TBXAS1: variants seen among roughly 807,000 people sequenced by gnomAD.
TBXAS1 encodes thromboxane A synthase 1, also known as thromboxane-A synthase.
A neutral mutation model predicts 60.7 loss-of-function variants in TBXAS1; 48 were observed. That is an observed-to-expected ratio of 0.79 (90% confidence interval 0.63 to 1.01). TBXAS1 has a LOEUF of 1.01. Among genes scored for constraint, TBXAS1 ranks in the 50% least tolerant of loss-of-function variants. TBXAS1 has a pLI of 0.00. For synonymous variants in TBXAS1, 287 were observed against 269.7 expected, an observed-to-expected ratio of 1.06 and a Z score of -0.63; for missense variants, 685 against 686.3, an observed-to-expected ratio of 1.00 and a Z score of 0.02.
At chr7:139,976,120 T>C (rs1811545511) in intron 9 of TBXAS1, among the ~76,000 whole-genome samples, 1 of 152,222 alleles carries the variant, frequency 6.6e-6, no homozygotes, top group African/African-American at 2.4e-5. Flanking sequence ...GAAATGCACC[T>C]GAGACATTGG....
In TBXAS1 at chr7:139,865,885, AGGAGGAAG is replaced by A. The variant is rs1373216083; in HGVS notation, c.90-6348_90-6341del. Among the ~76,000 whole-genome samples the A allele has an allele frequency of 9.5e-5, 10 of 105,286 alleles. 1 individual carries two copies. Among genetic ancestry groups the A allele is most frequent in the African/African-American group, 4.0e-4 (10 of 25,034 alleles). The allele number at this position is 105,286 out of a possible 152,430, so 69.1% of individuals were successfully genotyped here. On this transcript the variant is annotated intron_variant, in intron 1 of 12. Coordinates refer to ENST00000448866, the MANE Select transcript of TBXAS1 (RefSeq NM_001061.7). Reference sequence around the variant, plus strand: ...GAGGAAGGAAGGAGGGAGGGAGGGAAGGAGGAAGGAGGGAGGGAGGAAGGAAGGAAAGA... The same window carrying A: ...GAGGAAGGAAGGAGGGAGGGAGGGAAGAGGGAGGGAGGAAGGAAGGAAAGA...
At chr7:139,942,587 C>T (rs896047012) in intron 5 of TBXAS1, among the ~76,000 whole-genome samples, 7 of 152,192 alleles carry the variant, frequency 4.6e-5, no homozygotes, top group African/African-American at 7.2e-5. Flanking sequence ...TCTTCATTCA[C>T]CCAGATAACT....
rs781271750 is a variant in TBXAS1, at chr7:139,953,382, C to T, written c.465C>T (p.Ile155=). 1.9e-6 allele frequency: 3 copies of T among 1,614,130 alleles called. No homozygotes were observed. The highest frequency in any genetic ancestry group is 2.2e-5 in the East Asian group (1 of 44,876). ...TCCATTATCAGATGGTTCCCCTCAT[C>T]AGCCAAGCCTGCGACCTTCTCCTGG... is the stretch of plus-strand genomic sequence containing the variant. ...PEKLNEMVPL[I]SQACDLLLAH... Residue 155 remains isoleucine, a synonymous_variant, in exon 6 of 13, where the codon ATC becomes ATT. Transcript: ENST00000448866.
At chr7:140,014,597 C>A (rs542793250) in intron 10 of TBXAS1, among the ~76,000 whole-genome samples, 2 of 152,120 alleles carry the variant, frequency 1.3e-5, no homozygotes, top group South Asian at 4.2e-4. Context: ...GACAGACACA[C>A]ACACAGAGAA....
chr7:139,830,073 T>C (rs1420423317), intron 1 of TBXAS1, among the ~76,000 whole-genome samples: 3 of 152,208 alleles, frequency 2.0e-5, no homozygotes, highest in Admixed American at 2.0e-4. Context: ...ATCTCAAACT[T>C]GAACTCCGAG....
intron 4 of TBXAS1, among the ~76,000 whole-genome samples, chr7:139,926,675 C>T (rs938521542): frequency 1.3e-4 from 20 of 151,184 alleles, no homozygotes; most frequent in Non-Finnish European, 2.7e-4. Context: ...CTAACTTTGG[C>T]TTTAGCTCCT....
At chr7:139,849,561 G>A (rs1196386809) in intron 1 of TBXAS1, among the ~76,000 whole-genome samples, 2 of 152,094 alleles carry the variant, frequency 1.3e-5, no homozygotes, top group Admixed American at 6.5e-5. Flanking sequence ...TAGGGGCCAG[G>A]TTGGTCCTGG....
chr7:139,858,269 C>A (rs1475958168), intron 1 of TBXAS1, among the ~76,000 whole-genome samples: 1 of 152,186 alleles, frequency 6.6e-6, no homozygotes. Context: ...AGCTTTGACA[C>A]CTCTGTTCTC....
intron 4 of TBXAS1, among the ~76,000 whole-genome samples, chr7:139,818,279 A>T (rs560219322): frequency 1.3e-5 from 2 of 152,294 alleles, no homozygotes; most frequent in African/African-American, 4.8e-5. Flanking sequence ...AGGATGGCAC[A>T]GGGCCTGTTG....
At chr7:139,961,345 C>T (rs1456476563) in intron 8 of TBXAS1, among the ~76,000 whole-genome samples, 1 of 152,184 alleles carries the variant, frequency 6.6e-6, no homozygotes, top group Non-Finnish European at 1.5e-5. Context: ...ACAGCACATG[C>T]TTGGTTTTAA....
chr7:139,880,020 A>C (rs933330386), intron 3 of TBXAS1, among the ~76,000 whole-genome samples: 6 of 152,160 alleles, frequency 3.9e-5, no homozygotes, highest in African/African-American at 1.2e-4. Context: ...AGTTGCTGGG[A>C]ATACAGGCAT....
chr7:139,875,799 C>T (rs995078267), intron 3 of TBXAS1, 162 bp downstream of exon 3: 4 of 925,522 alleles, frequency 4.3e-6, no homozygotes, highest in Admixed American at 4.2e-5. Context: ...TCCTGCAGTA[C>T]AGACAAGGCT....
chr7:139,856,677 T>C (rs1363487893), intron 1 of TBXAS1, among the ~76,000 whole-genome samples: 3 of 152,158 alleles, frequency 2.0e-5, no homozygotes, highest in African/African-American at 4.8e-5. Flanking sequence ...ATGGGTCCCA[T>C]GTAGAAAAAA....
intron 9 of TBXAS1, among the ~76,000 whole-genome samples, chr7:139,970,109 T>C (rs987457147): frequency 6.6e-6 from 1 of 151,954 alleles, no homozygotes; most frequent in African/African-American, 2.4e-5. Flanking sequence ...TTTTTTGTGA[T>C]TATTATTTTG....
At chr7:139,929,293 T>C (rs1807125899) in intron 4 of TBXAS1, among the ~76,000 whole-genome samples, 1 of 152,220 alleles carries the variant, frequency 6.6e-6, no homozygotes, top group Non-Finnish European at 1.5e-5. Context: ...GGGGTTCTTA[T>C]CCCTGACGCA....
intron 3 of TBXAS1, among the ~76,000 whole-genome samples, chr7:139,908,807 CT>C: frequency 6.6e-6 from 1 of 152,112 alleles, no homozygotes; most frequent in Non-Finnish European, 1.5e-5. Context: ...TATCATCTCC[CT>C]TTCCTTTCTG....
chr7:139,952,483 C>T (rs1052507259), intron 5 of TBXAS1: 35 of 1,500,796 alleles, frequency 2.3e-5, no homozygotes, highest in Non-Finnish European at 2.9e-5. Context: ...TATTAGAGCA[C>T]GTTGCTTTAG....
At chr7:139,893,097 T>A (rs1349298860) in intron 3 of TBXAS1, among the ~76,000 whole-genome samples, 1 of 152,120 alleles carries the variant, frequency 6.6e-6, no homozygotes. Flanking sequence ...GCCATTAAAT[T>A]TTCTCTTCTT....
At chr7:139,829,604 T>C in intron 1 of TBXAS1, 125 bp downstream of exon 1, 1 of 844,362 alleles carries the variant, frequency 1.2e-6, no homozygotes, top group Non-Finnish European at 1.9e-6. Flanking sequence ...GGAGTGAGTA[T>C]TAACACAGCT....
Sources: gnomAD v4.1 joint callset for allele counts (sites outside exome capture counted in the v4.1 genomes callset) on GRCh38, gnomAD v4.1.1 for gene constraint, MANE v1.5 for transcripts, NCBI Gene and HGNC (gene_info 2026-07-23, HGNC 2026-07-21) for gene names.